MEF2C: variants seen among roughly 807,000 people sequenced by gnomAD.
The protein encoded by MEF2C is myocyte-specific enhancer factor 2C.
MEF2C carries 6 observed loss-of-function variants against 50.5 expected under a neutral mutation model. The observed-to-expected ratio is 0.12, with a 90% CI of 0.07 to 0.23. MEF2C has a LOEUF of 0.23. Ranked by LOEUF, MEF2C falls within the 10% of genes least tolerant of loss-of-function variation. The pLI is 1.00. For synonymous variants in MEF2C, 183 were observed against 228.0 expected, an observed-to-expected ratio of 0.80 and a Z score of 1.78; for missense variants, 276 against 605.0, an observed-to-expected ratio of 0.46 and a Z score of 5.70.
chr5:88,790,501 C>G (rs545318841), intron 3 of MEF2C, among the ~76,000 whole-genome samples: 14 of 152,302 alleles, frequency 9.2e-5, no homozygotes, highest in Admixed American at 7.8e-4. Context: ...CTGGCCAAAG[C>G]ACTAACAGGT....
intron 1 of MEF2C, among the ~76,000 whole-genome samples, chr5:88,895,818 C>T (rs2067663): frequency 0.22 from 33,951 of 152,124 alleles, 3,904 homozygotes; most frequent in Admixed American, 0.28. Flanking sequence ...TTTATGTCCG[C>T]GGAATTCTTT....
At chr5:88,732,583 C>G (rs1026525928) in intron 6 of MEF2C, 1 of 152,266 alleles carries the variant, frequency 6.6e-6, no homozygotes, top group East Asian at 1.9e-4. Context: ...AGTGCTGATT[C>G]ACCAAGGCAC....
chr5:88,752,962 C>T (rs1040790343), intron 4 of MEF2C, among the ~76,000 whole-genome samples: 6 of 152,090 alleles, frequency 3.9e-5, no homozygotes. Context: ...ATATGGCATT[C>T]TTAATATAAA....
chr5:88,795,034 T>C (rs1202727328), intron 3 of MEF2C, among the ~76,000 whole-genome samples: 5 of 152,224 alleles, frequency 3.3e-5, no homozygotes, highest in African/African-American at 1.2e-4. Flanking sequence ...TATGCTGTTT[T>C]GGTTGCTTTA....
chr5:88,788,875 G>C (rs1398972635), intron 3 of MEF2C, among the ~76,000 whole-genome samples: 1 of 152,032 alleles, frequency 6.6e-6, no homozygotes, highest in African/African-American at 2.4e-5. Flanking sequence ...ACTTTCAAAG[G>C]GGTTGGGTTT....
At chr5:88,741,037 C>T (rs983591930) in intron 6 of MEF2C, 4 of 985,388 alleles carry the variant, frequency 4.1e-6, no homozygotes, top group South Asian at 4.7e-5. Flanking sequence ...AAGTTCATAA[C>T]GTTCAAAGTG....
At chr5:88,860,772 T>C (rs1191137882) in intron 1 of MEF2C, among the ~76,000 whole-genome samples, 2 of 152,032 alleles carry the variant, frequency 1.3e-5, no homozygotes, top group African/African-American at 2.4e-5. Flanking sequence ...GGTACATTTT[T>C]CCCCCTCTGG....
Position 88,814,168 on chromosome 5 carries a change from C to A in MEF2C, c.55-9367G>T, listed in dbSNP as rs1322150842. 1.1e-4 allele frequency among the ~76,000 whole-genome samples: 17 copies of A among 152,130 alleles called. 1 individual carries two copies. Among genetic ancestry groups the A allele is most frequent in the Admixed American group, 7.9e-4 (12 of 15,258 alleles). ...AAATGCCCTCCTAAATGCTCTTTCT[C>A]CACCTCCCTTGTTCCTGACAGTAAG... On this transcript the variant is annotated intron_variant, in intron 2 of 10. Transcript: ENST00000504921.
At chr5:88,839,822 C>T (rs772320785) in intron 1 of MEF2C, among the ~76,000 whole-genome samples, 9 of 152,064 alleles carry the variant, frequency 5.9e-5, no homozygotes, top group Non-Finnish European at 1.3e-4. Flanking sequence ...TACCAAGTCC[C>T]TTTGAAATAA....
intron 3 of MEF2C, among the ~76,000 whole-genome samples, chr5:88,769,227 G>A (rs1169579402): frequency 6.6e-6 from 1 of 152,166 alleles, no homozygotes; most frequent in Non-Finnish European, 1.5e-5. Context: ...AAATTCTTGG[G>A]CAAAGTTCAT....
chr5:88,759,664 T>C (rs665674), intron 4 of MEF2C, among the ~76,000 whole-genome samples: 108,172 of 151,814 alleles, frequency 0.71, 39,535 homozygotes, highest in East Asian at 0.92. Flanking sequence ...TATGAATGTG[T>C]GCATATAATA....
At chr5:88,859,138 G>A (rs1824594989) in intron 1 of MEF2C, among the ~76,000 whole-genome samples, 1 of 152,172 alleles carries the variant, frequency 6.6e-6, no homozygotes, top group Non-Finnish European at 1.5e-5. Flanking sequence ...TATTAAGAGT[G>A]TACACTAGGT....
chr5:88,874,039 C>G (rs188426271), intron 1 of MEF2C, among the ~76,000 whole-genome samples: 3 of 151,850 alleles, frequency 2.0e-5, no homozygotes, highest in Non-Finnish European at 2.9e-5. Flanking sequence ...AAAGACCACC[C>G]AACAACTTAA....
chr5:88,895,009 G>A (rs750791567), intron 1 of MEF2C, among the ~76,000 whole-genome samples: 11 of 152,076 alleles, frequency 7.2e-5, no homozygotes, highest in African/African-American at 1.9e-4. Flanking sequence ...TGATTTTGCC[G>A]AGAGAAGCAC....
intron 3 of MEF2C, among the ~76,000 whole-genome samples, chr5:88,804,298 C>T (rs1025754267): frequency 6.6e-6 from 1 of 152,120 alleles, no homozygotes; most frequent in African/African-American, 2.4e-5. Flanking sequence ...ACCATGGTGT[C>T]CTGATACACA....
rs1055439759 is a variant in MEF2C at position 88,733,442 on chromosome 5, C to T, written c.638-1541G>A. On this transcript the variant is annotated intron_variant, in intron 6 of 10. Transcript: ENST00000504921. ...TTCAGAGTAGAGGTATGACACAGAC[C>T]TCTAAGTGGTCAGAAAGATCTACTG... The T allele has an allele frequency of 1.3e-5, 13 of 985,076 alleles. No homozygotes were observed. The African/African-American group carries it at 1.6e-4, about 12-fold the overall frequency. 61.0% of individuals were successfully genotyped at this position (985,076 alleles called of 1,614,324 possible). A position where few individuals can be genotyped will look rare whatever the true frequency, so the allele number is the denominator to read the frequency against.
intron 5 of MEF2C, chr5:88,750,936 C>T (rs1037070779): frequency 3.1e-6 from 1 of 318,894 alleles, no homozygotes; most frequent in Non-Finnish European, 4.5e-6. Context: ...CTATAGAGTA[C>T]TTTTAAAAAT....
At chr5:88,764,260 T>C (rs1027596284) in intron 3 of MEF2C, among the ~76,000 whole-genome samples, 24 of 152,146 alleles carry the variant, frequency 1.6e-4, no homozygotes, top group Admixed American at 1.6e-3. Flanking sequence ...TGTTGAAAGA[T>C]CTCCACAAAT....
chr5:88,734,691 GA>G (rs1022799585), intron 6 of MEF2C: 29 of 976,038 alleles, frequency 3.0e-5, no homozygotes, highest in Middle Eastern at 5.3e-4. Context: ...AGCAGTAGGG[GA>G]AAAAAAAGTA....
Sources: gnomAD v4.1 joint callset for allele counts (sites outside exome capture counted in the v4.1 genomes callset) on GRCh38, gnomAD v4.1.1 for gene constraint, MANE v1.5 for transcripts, NCBI Gene and HGNC (gene_info 2026-07-23, HGNC 2026-07-21) for gene names.